The following OXCT1 variants were observed in gnomAD, a reference collection of about 807,000 sequenced individuals.
OXCT1 encodes 3-oxoacid CoA-transferase 1, also known as succinyl-CoA:3-ketoacid coenzyme A transferase 1, mitochondrial.
Under a neutral mutation model 69.6 loss-of-function variants are expected in OXCT1, and 27 were observed. That is an observed-to-expected ratio of 0.39 (90% CI 0.29 to 0.54). OXCT1 has a LOEUF of 0.54. OXCT1 is among the 20% of genes least tolerant of loss of function. OXCT1 has a pLI of 0.72. For synonymous variants in OXCT1, 202 were observed against 217.8 expected (o/e 0.93, Z 0.64); for missense variants, 437 against 650.2 (o/e 0.67, Z 3.57).
intron 7 of OXCT1, among the ~76,000 whole-genome samples, chr5:41,824,859 C>T (rs1444962684): frequency 6.6e-6 from 1 of 152,130 alleles, no homozygotes; most frequent in African/African-American, 2.4e-5. Context: ...AACCTGTATT[C>T]GCCTGAGTTT....
At chr5:41,771,526 C>T (rs753623740) in intron 13 of OXCT1, among the ~76,000 whole-genome samples, 5 of 152,116 alleles carry the variant, frequency 3.3e-5, no homozygotes, top group African/African-American at 7.2e-5. Context: ...AAGAGAAAAA[C>T]GTACTCCTAG....
chr5:41,825,873 A>T (rs1210503436), intron 7 of OXCT1, among the ~76,000 whole-genome samples: 2 of 152,240 alleles, frequency 1.3e-5, no homozygotes, highest in Non-Finnish European at 2.9e-5. Context: ...AAGAATAAAA[A>T]AGTCACAGTG....
In OXCT1 at chr5:41,870,402, GT is replaced by G; in HGVS notation, c.-45del. On this transcript the variant is annotated 5_prime_UTR_variant, in exon 1 of 17. Transcript: ENST00000196371. The surrounding 1 kb of genome is among the most constrained non-coding windows in gnomAD (Gnocchi z 4.2). Reference sequence around the variant, plus strand: ...GAGGAGGCTGCGGGTTGGAGCGCGCGTTTGAGCGTCGGTGCGCGACTGCGAA... The same window carrying G: ...GAGGAGGCTGCGGGTTGGAGCGCGCGTTGAGCGTCGGTGCGCGACTGCGAA... 6.7e-7 allele frequency: 1 copy of G among 1,494,504 alleles called. No homozygotes were observed. The highest frequency in any genetic ancestry group is 9.3e-7 in the Non-Finnish European group (1 of 1,077,568). The allele number at this position is 1,494,504 out of a possible 1,614,324, so 92.6% of individuals were successfully genotyped here.
intron 16 of OXCT1, among the ~76,000 whole-genome samples, chr5:41,736,242 C>T (rs1270083265): frequency 6.6e-6 from 1 of 152,138 alleles, no homozygotes; most frequent in Non-Finnish European, 1.5e-5. Context: ...GTGTGTGAAC[C>T]TTCAGGTTCC....
intron 16 of OXCT1, among the ~76,000 whole-genome samples, chr5:41,734,002 TGA>T (rs1479049507): frequency 6.6e-6 from 1 of 152,246 alleles, no homozygotes; most frequent in Non-Finnish European, 1.5e-5. Context: ...TAGTAGATAC[TGA>T]GAGTATAAAT....
chr5:41,847,852 C>G (rs1487734610), intron 5 of OXCT1, among the ~76,000 whole-genome samples: 1 of 149,538 alleles, frequency 6.7e-6, no homozygotes, highest in African/African-American at 2.4e-5. Context: ...TGGAAGCATT[C>G]CCTTTGAAAA....
intron 13 of OXCT1, among the ~76,000 whole-genome samples, chr5:41,764,972 T>C (rs1283247691): frequency 1.3e-5 from 2 of 152,214 alleles, no homozygotes; most frequent in Non-Finnish European, 2.9e-5. Flanking sequence ...GTGTTCACTG[T>C]ATTGGAAACA....
chr5:41,781,957 T>C (rs1416336475), intron 13 of OXCT1, among the ~76,000 whole-genome samples: 1 of 152,188 alleles, frequency 6.6e-6, no homozygotes. Context: ...TATGTTCCCA[T>C]GGGTATATAC....
chr5:41,763,060 C>G (rs1237569774), intron 13 of OXCT1, among the ~76,000 whole-genome samples: 1 of 152,114 alleles, frequency 6.6e-6, no homozygotes, highest in Non-Finnish European at 1.5e-5. Flanking sequence ...AGTCCTCTTG[C>G]TGATTTGCCA....
chr5:41,841,982 G>T (rs1439595341), intron 6 of OXCT1, among the ~76,000 whole-genome samples: 1 of 152,124 alleles, frequency 6.6e-6, no homozygotes, highest in Admixed American at 6.5e-5. Context: ...CAAAAACAAT[G>T]ATTTCTGTAA....
At chr5:41,802,626 T>A (rs1350619918) in intron 10 of OXCT1, among the ~76,000 whole-genome samples, 1 of 152,010 alleles carries the variant, frequency 6.6e-6, no homozygotes, top group Non-Finnish European at 1.5e-5. Flanking sequence ...TTACTTAATT[T>A]TATTTAACAT....
At chr5:41,756,867 A>G (rs1439143962) in intron 14 of OXCT1, among the ~76,000 whole-genome samples, 2 of 152,106 alleles carry the variant, frequency 1.3e-5, no homozygotes, top group Admixed American at 1.3e-4. Flanking sequence ...ACAAATGCAA[A>G]GGTCCCAAGG....
chr5:41,828,567 G>A (rs9292826), intron 7 of OXCT1, among the ~76,000 whole-genome samples: 19,880 of 152,136 alleles, frequency 0.13, 2,549 homozygotes, highest in African/African-American at 0.33. Context: ...GAGGCATCAT[G>A]CTTTTAAAAG....
At chr5:41,732,612 A>C (rs545932956) in intron 16 of OXCT1, among the ~76,000 whole-genome samples, 3 of 152,310 alleles carry the variant, frequency 2.0e-5, no homozygotes, top group African/African-American at 7.2e-5. Context: ...GAAATACCAA[A>C]AATTGGGTGC....
chr5:41,864,922 T>C (rs1749895525), intron 1 of OXCT1, among the ~76,000 whole-genome samples: 1 of 152,002 alleles, frequency 6.6e-6, no homozygotes, highest in Admixed American at 6.6e-5. Context: ...AATTAAAGAG[T>C]TCATCCACAG....
chr5:41,831,836 A>G (rs1313244555), intron 7 of OXCT1, among the ~76,000 whole-genome samples: 1 of 152,218 alleles, frequency 6.6e-6, no homozygotes, highest in Non-Finnish European at 1.5e-5. Context: ...GACATTTAAA[A>G]TGAAAATTTG....
chr5:41,748,414 A>T (rs1743612404), intron 15 of OXCT1, among the ~76,000 whole-genome samples: 3 of 152,106 alleles, frequency 2.0e-5, no homozygotes, highest in Admixed American at 1.3e-4. Context: ...ATTTAAAAAT[A>T]AACAAACAAC....
intron 1 of OXCT1, among the ~76,000 whole-genome samples, chr5:41,867,340 C>T (rs1750037944): frequency 6.6e-6 from 1 of 152,184 alleles, no homozygotes; most frequent in Non-Finnish European, 1.5e-5. Flanking sequence ...AAAACCCAGA[C>T]ATAGCCCCTG....
chr5:41,844,508 T>C (rs1325370657), intron 5 of OXCT1, among the ~76,000 whole-genome samples: 6 of 152,008 alleles, frequency 3.9e-5, no homozygotes, highest in Non-Finnish European at 7.4e-5. Flanking sequence ...CTGCTCCTTC[T>C]CTTCCCAATT....
Sources: allele counts gnomAD v4.1 joint callset (sites outside exome capture counted in the v4.1 genomes callset), GRCh38; gene constraint gnomAD v4.1.1; non-coding constraint Gnocchi (gnomAD v3.1); transcripts MANE v1.5; gene names NCBI Gene and HGNC (gene_info 2026-07-23, HGNC 2026-07-21).